Variants in MCM3 observed in about 807,000 individuals in gnomAD.
MCM3 encodes minichromosome maintenance complex component 3, also known as DNA replication licensing factor MCM3.
A neutral mutation model predicts 91.3 loss-of-function variants in MCM3; 59 were observed. The observed-to-expected ratio is 0.65, with a 90% CI of 0.52 to 0.80. The LOEUF (loss-of-function observed/expected upper bound fraction) is 0.80. MCM3 is among the 30% of genes least tolerant of loss of function. MCM3 has a pLI of 0.00. For synonymous variants in MCM3, 383 were observed against 379.6 expected (o/e 1.01, Z -0.10); for missense variants, 919 against 1,035.4 (o/e 0.89, Z 1.54).
At chr6:52,269,770 C>T (rs966571379) in intron 12 of MCM3, among the ~76,000 whole-genome samples, 1 of 152,190 alleles carries the variant, frequency 6.6e-6, no homozygotes, top group Non-Finnish European at 1.5e-5. Context: ...ATGTTTCTCA[C>T]AGGGGCCGAT....
chr6:52,271,598 C>T (rs970978477), intron 12 of MCM3, among the ~76,000 whole-genome samples: 3 of 151,912 alleles, frequency 2.0e-5, no homozygotes, highest in Non-Finnish European at 4.4e-5. Flanking sequence ...GTTGAGATCG[C>T]GCCATTGCAC....
intron 13 of MCM3, 107 bp from the exon 14 acceptor site, chr6:52,268,075 T>C: frequency 6.8e-7 from 1 of 1,478,868 alleles, no homozygotes; most frequent in Non-Finnish European, 9.4e-7. Flanking sequence ...GACTTCCATG[T>C]TTCCAATGGT....
chr6:52,266,004 C>T, intron 16 of MCM3, 71 bp downstream of exon 16: 1 of 1,383,190 alleles, frequency 7.2e-7, no homozygotes, highest in Non-Finnish European at 1.0e-6. Flanking sequence ...CCACCCTCTC[C>T]AAGGGAACAA....
chr6:52,276,910 C>G (rs1246422606), intron 8 of MCM3, among the ~76,000 whole-genome samples, 157 bp downstream of exon 8: 2 of 152,212 alleles, frequency 1.3e-5, no homozygotes, highest in Non-Finnish European at 2.9e-5. Context: ...ACACCAAAGA[C>G]TTAAATAATT....
In MCM3 at chr6:52,276,460, T is replaced by C. The variant is rs1278356800; in HGVS notation, c.1182A>G (p.Glu394=). 1.2e-6 allele frequency: 2 copies of C among 1,614,142 alleles called. No homozygotes were observed. The highest frequency in any genetic ancestry group is 2.2e-5 in the South Asian group (2 of 91,074). Residue 394 remains glutamate (E), a synonymous_variant, in exon 9 of 17, where the codon GAA becomes GAG. Transcript: ENST00000596288. ...GGTCAGCCAGGACCATGGCCCCTGCTTCCAGACGGCGCTCTCCTGGGAAGT... is the reference window on the plus strand; with the variant it reads ...GGTCAGCCAGGACCATGGCCCCTGCCTCCAGACGGCGCTCTCCTGGGAAGT... ...TDQETGERRL[E]AGAMVLADRG...
At chr6:52,273,719 T>C in intron 10 of MCM3, 23 bp downstream of exon 10, 5 of 1,589,530 alleles carry the variant, frequency 3.1e-6, no homozygotes, top group Non-Finnish European at 4.3e-6. Context: ...CATTAGTTAC[T>C]CTTACTATTC....
At chr6:52,283,430 A>C (rs1171451578) in intron 1 of MCM3, 24 bp from the exon 2 acceptor site, 2 of 1,460,468 alleles carry the variant, frequency 1.4e-6, no homozygotes, top group Admixed American at 3.3e-5. Context: ...ACCACATATC[A>C]CCATAGCCAC....
intron 1 of MCM3, 54 bp from the exon 2 acceptor site, chr6:52,283,460 C>T: frequency 7.8e-7 from 1 of 1,282,900 alleles, no homozygotes; most frequent in Non-Finnish European, 1.1e-6. Flanking sequence ...AACAATGTTT[C>T]TAAACAGAAG....
At chr6:52,277,443 T>C in intron 7 of MCM3, 92 bp downstream of exon 7, 2 of 1,330,234 alleles carry the variant, frequency 1.5e-6, no homozygotes, top group Non-Finnish European at 2.1e-6. Flanking sequence ...ACTGAAATAC[T>C]GCTAAGTACA....
rs1343053079 is a variant in MCM3, at chr6:52,267,890, C to T, written c.2047G>A (p.Glu683Lys). Reference protein sequence around the residue: ...ETEDEEEKSQEDQEQKRKRRK... With the variant: ...ETEDEEEKSQKDQEQKRKRRK... ...CTCTTCCTCTTCTGCTCCTGGTCCT[C>T]TTGGCTTTTCTCCTCTTCATCTTCT... Residue 683 changes from glutamate to lysine, a missense_variant, in exon 14 of 17, where the codon GAG (glutamate) becomes AAG (lysine). Physicochemically the swap from Glu to Lys is moderately conservative, Grantham distance 56. This residue lies in a region of MCM3 where 285 missense variants were observed against 311.4 expected (regional missense o/e 0.92). Coordinates refer to ENST00000596288, the MANE Select transcript of MCM3 (RefSeq NM_002388.6). 4 of 1,332,896 alleles carry T rather than the reference C, an allele frequency of 3.0e-6. No homozygotes were observed. In the South Asian group the frequency reaches 3.6e-5, roughly 12 times the overall value. 82.6% of individuals were successfully genotyped at this position (1,332,896 alleles called of 1,614,324 possible). A position where few individuals can be genotyped will look rare whatever the true frequency, so the allele number is the denominator to read the frequency against.
At chr6:52,278,373 T>C (rs17239951) in intron 6 of MCM3, among the ~76,000 whole-genome samples, 9 of 152,174 alleles carry the variant, frequency 5.9e-5, no homozygotes, top group Non-Finnish European at 1.3e-4. Flanking sequence ...ATACATCCTA[T>C]CTTAAAAAGA....
chr6:52,266,800 C>A, intron 14 of MCM3, 104 bp from the exon 15 acceptor site: 1 of 885,322 alleles, frequency 1.1e-6, no homozygotes, highest in Non-Finnish European at 1.9e-6. Context: ...AACAGAACCA[C>A]TAAGTCAAAG....
In MCM3 at chr6:52,282,095, C is replaced by G; in HGVS notation, c.481G>C (p.Asp161His). 6.2e-7 allele frequency: 1 copy of G among 1,614,004 alleles called. No individual in the cohort carries two copies. Among genetic ancestry groups the G allele is most frequent in the Non-Finnish European group, 8.5e-7 (1 of 1,179,954 alleles). ...GGAAAGGCCACCAGGGTGGTGAGAT[C>G]AGAATAACGTCGCTCTATGGTCTTC... ...TKKTIERRYS[D>H]LTTLVAFPSS... The change falls in exon 4 of 17, where the codon GAT becomes CAT. Residue 161 changes from aspartate (D) to histidine (H), a missense_variant. By Grantham distance (81) the Asp-to-His change is moderately conservative. Around this residue, in one of 3 missense-constraint regions of MCM3, gnomAD observed 401 missense variants for 402.7 expected, o/e 1.00. Coordinates refer to ENST00000596288, the MANE Select transcript of MCM3 (RefSeq NM_002388.6).
intron 12 of MCM3, among the ~76,000 whole-genome samples, chr6:52,271,940 A>G (rs1288904236): frequency 2.0e-5 from 3 of 151,336 alleles, no homozygotes; most frequent in South Asian, 2.1e-4. Context: ...AAGTCTTTCT[A>G]TCTACCTTTG....
chr6:52,266,555 G>T, intron 15 of MCM3, 56 bp downstream of exon 15: 1 of 1,503,120 alleles, frequency 6.7e-7, no homozygotes, highest in Non-Finnish European at 9.3e-7. Context: ...AGAGCAACTG[G>T]AAAAGTCCAA....
At chr6:52,283,226 GT>G in intron 2 of MCM3, 67 bp downstream of exon 2, 1 of 1,295,404 alleles carries the variant, frequency 7.7e-7, no homozygotes, top group East Asian at 2.3e-5. Flanking sequence ...CTGAGAGGCT[GT>G]TCCAATCTGG....
intron 12 of MCM3, among the ~76,000 whole-genome samples, chr6:52,271,438 T>C (rs1220836868): frequency 6.6e-6 from 1 of 152,058 alleles, no homozygotes; most frequent in Non-Finnish European, 1.5e-5. Context: ...AGGTAGGAAG[T>C]TCCAGAGCAG....
In MCM3 at chr6:52,267,934, C is replaced by A. The variant is rs759133647; in HGVS notation, c.2003G>T (p.Ser668Ile). ...LEKEKKRKKR[S>I]EDESETEDEE... Reference sequence around the variant, plus strand: ...ATCTTCTGTCTCTGATTCATCCTCACTTCGCTTCTTACGTTTCTTCTCCTT... The same window carrying A: ...ATCTTCTGTCTCTGATTCATCCTCAATTCGCTTCTTACGTTTCTTCTCCTT... Residue 668 changes from serine (S) to isoleucine (I), a missense_variant, in exon 14 of 17, where the codon AGT becomes ATT. Ser to Ile is a moderately radical substitution (Grantham distance 142). Coordinates refer to ENST00000596288, the MANE Select transcript of MCM3 (RefSeq NM_002388.6). The A allele has an allele frequency of 1.9e-6, 3 of 1,594,618 alleles. No homozygotes were observed. Among genetic ancestry groups the A allele is most frequent in the Non-Finnish European group, 1.7e-6 (2 of 1,162,396 alleles).
intron 12 of MCM3, among the ~76,000 whole-genome samples, chr6:52,269,435 G>A (rs1206520752): frequency 6.6e-6 from 1 of 152,234 alleles, no homozygotes; most frequent in Non-Finnish European, 1.5e-5. Flanking sequence ...GTTGCAGGAA[G>A]GAGGAGCAAG....
Sources: gnomAD v4.1 joint callset for allele counts (sites outside exome capture counted in the v4.1 genomes callset) on GRCh38, gnomAD v4.1.1 for gene constraint, gnomAD v4.1.1 regional missense constraint, MANE v1.5 for transcripts, NCBI Gene and HGNC (gene_info 2026-07-23, HGNC 2026-07-21) for gene names.